DLG1: variants seen among roughly 807,000 people sequenced by gnomAD.
The protein encoded by DLG1 is disks large homolog 1.
DLG1 carries 42 observed loss-of-function variants against 123.4 expected under a neutral mutation model. That is an observed-to-expected ratio of 0.34 (90% CI 0.27 to 0.44). The LOEUF (loss-of-function observed/expected upper bound fraction) is 0.44, where lower values mean the gene tolerates loss of function less well. Ranked by LOEUF, DLG1 falls within the 20% of genes least tolerant of loss-of-function variation. The probability of loss-of-function intolerance (pLI) is 1.00; values close to 1 mark genes in which losing one functional copy is unlikely to be tolerated. For missense variants in DLG1, 942 were observed against 1,082.6 expected (o/e 0.87, Z 1.82); for synonymous variants, 317 against 356.2 (o/e 0.89, Z 1.24).
intron 1 of DLG1, 179 bp from the exon 2 acceptor site, chr3:197,297,414 G>A (rs1579634584): frequency 7.0e-7 from 1 of 1,424,034 alleles, no homozygotes; most frequent in East Asian, 2.6e-5. Flanking sequence ...GCTTTTCCTT[G>A]GAGTGGGTAC....
chr3:197,070,579 T>A (rs1743143055), intron 18 of DLG1: 1 of 138,414 alleles, frequency 7.2e-6, no homozygotes, highest in South Asian at 2.4e-4. Context: ...TTTTTTTTTT[T>A]TTTTTTTTGA....
intron 5 of DLG1, chr3:197,184,219 G>A: frequency 7.7e-6 from 5 of 645,996 alleles, no homozygotes; most frequent in Non-Finnish European, 9.7e-6. Flanking sequence ...ACCCTGTGGG[G>A]CTGCCTGATT....
In DLG1 at chr3:197,044,527, A is replaced by G; in HGVS notation, c.*96T>C. 1.4e-6 allele frequency: 1 copy of G among 730,732 alleles called. No homozygotes were observed. The highest frequency in any genetic ancestry group is 2.3e-6 in the Non-Finnish European group (1 of 435,502). The allele number at this position is 730,732 out of a possible 1,614,324, so 45.3% of individuals were successfully genotyped here. ...CATGATGTGTGGGATACAATTCAAC[A>G]TGAAATCAGTACTCAAGAAAGACTC... is the stretch of plus-strand genomic sequence containing the variant. On this transcript the variant is annotated 3_prime_UTR_variant, in exon 25 of 25. Transcript: ENST00000667157.
At chr3:197,242,605 GAATA>G (rs1279689367) in intron 4 of DLG1, among the ~76,000 whole-genome samples, 1 of 150,320 alleles carries the variant, frequency 6.7e-6, no homozygotes, top group Non-Finnish European at 1.5e-5. Flanking sequence ...ACCACAAAAA[GAATA>G]AAAATACATA....
chr3:197,142,646 CT>C, intron 7 of DLG1, 71 bp downstream of exon 7: 1 of 1,188,004 alleles, frequency 8.4e-7, no homozygotes, highest in Non-Finnish European at 1.2e-6. Context: ...AGAGATCTCC[CT>C]TGGATTCTGT....
At chr3:197,270,048 C>T (rs1763280974) in intron 4 of DLG1, among the ~76,000 whole-genome samples, 1 of 152,246 alleles carries the variant, frequency 6.6e-6, no homozygotes, top group East Asian at 1.9e-4. Flanking sequence ...GAATGTGTCA[C>T]CTGCCTGTCC....
At chr3:197,079,159 T>G (rs189347516) in intron 17 of DLG1, among the ~76,000 whole-genome samples, 31 of 152,328 alleles carry the variant, frequency 2.0e-4, no homozygotes, top group African/African-American at 7.2e-4. Flanking sequence ...AGTACTACAT[T>G]TAATACTTAC....
chr3:197,161,178 T>C (rs532918703), intron 5 of DLG1, among the ~76,000 whole-genome samples: 1 of 152,306 alleles, frequency 6.6e-6, no homozygotes, highest in Non-Finnish European at 1.5e-5. Flanking sequence ...TATTTTTACC[T>C]AATAAATGTG....
chr3:197,125,601 G>C (rs1448839130), intron 11 of DLG1, among the ~76,000 whole-genome samples: 1 of 152,072 alleles, frequency 6.6e-6, no homozygotes, highest in Non-Finnish European at 1.5e-5. Context: ...TCACACAATG[G>C]GATGATCAAA....
chr3:197,191,617 G>A (rs924231040), intron 5 of DLG1, among the ~76,000 whole-genome samples: 3 of 152,032 alleles, frequency 2.0e-5, no homozygotes, highest in African/African-American at 7.2e-5. Flanking sequence ...AGTGTTTTTG[G>A]ACAAAAATAA....
chr3:197,172,077 C>T (rs1400431219), intron 5 of DLG1, among the ~76,000 whole-genome samples: 1 of 152,080 alleles, frequency 6.6e-6, no homozygotes, highest in Non-Finnish European at 1.5e-5. Flanking sequence ...CTCCAGAATA[C>T]CATATACACT....
rs1792981776 is a variant in DLG1 at position 197,149,806 on chromosome 3, G to C, written c.484-10C>G. 3 of 1,548,202 alleles carry C rather than the reference G, an allele frequency of 1.9e-6. No individual in the cohort carries two copies. In the East Asian group the frequency reaches 6.8e-5, roughly 35 times the overall value. On this transcript the variant is annotated splice_polypyrimidine_tract_variant and intron_variant, in intron 5 of 24. Transcript: ENST00000667157. ...CTGGGGGAGGATTTGCCTTTAAGAA[G>C]AAATTGTAAATGTGTTAACAAGAAA...
At chr3:197,110,716 G>T (rs1769455622) in intron 13 of DLG1, among the ~76,000 whole-genome samples, 1 of 152,160 alleles carries the variant, frequency 6.6e-6, no homozygotes, top group Admixed American at 6.5e-5. Flanking sequence ...TCTTTGTTGT[G>T]TGTGGCCACT....
At chr3:197,112,659 T>G (rs1770764205) in intron 13 of DLG1, among the ~76,000 whole-genome samples, 1 of 152,092 alleles carries the variant, frequency 6.6e-6, no homozygotes, top group African/African-American at 2.4e-5. Flanking sequence ...GGATCAAAGC[T>G]CACTCACTGT....
chr3:197,078,517 T>G (rs941269095), intron 17 of DLG1: 3 of 152,104 alleles, frequency 2.0e-5, no homozygotes, highest in African/African-American at 7.2e-5. Flanking sequence ...ATCTTAAAGT[T>G]TGAAGGCTCT....
chr3:197,288,624 G>A lies in DLG1; in HGVS notation c.152-5779C>T, dbSNP rs558705969. Reference sequence around the variant, plus strand: ...TAATCCCAGCTATTCAGGAGGCTGAGGCAGGAGAATCGCTTGAACCTAGGA... The same window carrying A: ...TAATCCCAGCTATTCAGGAGGCTGAAGCAGGAGAATCGCTTGAACCTAGGA... On this transcript the variant is annotated intron_variant, in intron 3 of 24. Coordinates refer to ENST00000667157, the MANE Select transcript of DLG1 (RefSeq NM_001366207.1). Among the ~76,000 whole-genome samples, 16 of 150,598 alleles carry A rather than the reference G, an allele frequency of 1.1e-4. No homozygotes were observed. In the East Asian group the frequency reaches 2.5e-3, roughly 24 times the overall value.
At chr3:197,156,396 A>G (rs1796426877) in intron 5 of DLG1, among the ~76,000 whole-genome samples, 1 of 152,246 alleles carries the variant, frequency 6.6e-6, no homozygotes, top group Non-Finnish European at 1.5e-5. Flanking sequence ...TGAGGAACAA[A>G]AAAGCTACAA....
chr3:197,138,974 T>C (rs899877619), intron 8 of DLG1, among the ~76,000 whole-genome samples: 5 of 152,266 alleles, frequency 3.3e-5, no homozygotes, highest in African/African-American at 1.2e-4. Context: ...AAAGTAAAAA[T>C]AATTTTCTGA....
chr3:197,195,006 GCAGA>G (rs774853849), intron 4 of DLG1, among the ~76,000 whole-genome samples: 22 of 151,930 alleles, frequency 1.4e-4, no homozygotes, highest in Admixed American at 3.9e-4. Context: ...AATTAGTTCA[GCAGA>G]CAATCACATT....
Sources: gnomAD v4.1 joint callset for allele counts (sites outside exome capture counted in the v4.1 genomes callset) on GRCh38, gnomAD v4.1.1 for gene constraint, MANE v1.5 for transcripts, NCBI Gene and HGNC (gene_info 2026-07-23, HGNC 2026-07-21) for gene names.